Variants in OR4M2B observed in about 807,000 individuals in gnomAD.
The protein encoded by OR4M2B is olfactory receptor 4M2B.
OR4M2B carries 3 observed loss-of-function variants against 14.3 expected under a neutral mutation model. The observed-to-expected ratio is 0.21, with a 90% CI of 0.10 to 0.54. OR4M2B has a LOEUF of 0.54. Among genes scored for constraint, OR4M2B ranks in the 20% least tolerant of loss-of-function variants. OR4M2B has a pLI of 0.94. For synonymous variants in OR4M2B, 21 were observed against 122.0 expected, an observed-to-expected ratio of 0.17 and a Z score of 5.45; for missense variants, 50 against 329.5, an observed-to-expected ratio of 0.15 and a Z score of 6.57.
exon 1 of OR4M2B, chr15:21,638,416 A>G (rs1888712361): frequency 6.5e-6 from 9 of 1,384,048 alleles, no homozygotes; most frequent in Middle Eastern, 1.8e-4. Context: ...ACCATCATGA[A>G]TCAACGTCTC....
exon 1 of OR4M2B, chr15:21,638,319 C>A: frequency 6.4e-7 from 1 of 1,552,412 alleles, no homozygotes; most frequent in Non-Finnish European, 8.7e-7. Context: ...CTTCTTCTTA[C>A]ACTTTGCTGG....
chr15:21,638,936 TAA>T lies in OR4M2B; in HGVS notation c.932_933del (p.Lys311ArgfsTer11). On this transcript the variant is annotated frameshift_variant, in exon 1 of 1. Coordinates refer to ENST00000332663, the Ensembl canonical transcript of OR4M2B. LOFTEE classifies it high-confidence loss of function. ...AGTTGGTCACCAAATATATTTTGTG[TAA>T]AGAGAAGTGAAAGATAAATTATACA... The T allele has an allele frequency of 2.1e-6, 2 of 936,036 alleles. 1 individual carries two copies. Among genetic ancestry groups the T allele is most frequent in the Non-Finnish European group, 3.0e-6 (2 of 665,530 alleles). 58.0% of individuals were successfully genotyped at this position (936,036 alleles called of 1,614,324 possible).
exon 1 of OR4M2B, chr15:21,638,288 T>G (rs1888708967): frequency 6.4e-7 from 1 of 1,555,110 alleles, no homozygotes. Flanking sequence ...TAATTTCTTT[T>G]GATGAATGCA....
At chr15:21,638,207 C>T in exon 1 of OR4M2B, 1 of 1,092,812 alleles carries the variant, frequency 9.2e-7, no homozygotes, top group Admixed American at 1.9e-5. Flanking sequence ...CTAATCTGGC[C>T]TTCCTTGATA....
chr15:21,638,026 C>T, exon 1 of OR4M2B: 2 of 506,712 alleles, frequency 3.9e-6, no homozygotes, highest in Non-Finnish European at 6.3e-6. Flanking sequence ...GCAAATTACA[C>T]CAAGGTGACA....
chr15:21,638,374 A>T, exon 1 of OR4M2B: 1 of 1,523,914 alleles, frequency 6.6e-7, no homozygotes, highest in South Asian at 1.1e-5. Context: ...TTTGACCTCT[A>T]CACTGCTATC....
exon 1 of OR4M2B, chr15:21,638,346 T>C: frequency 6.5e-7 from 1 of 1,546,602 alleles, no homozygotes; most frequent in Admixed American, 1.7e-5. Context: ...AGAGATGTTC[T>C]TGCTCACAGT....
chr15:21,637,977 G>C, exon 1 of OR4M2B: 1 of 417,688 alleles, frequency 2.4e-6, no homozygotes, highest in South Asian at 3.0e-5. Context: ...AATTTTCATA[G>C]CTATATTATG....
exon 1 of OR4M2B, chr15:21,638,250 C>G (rs1888707781): frequency 6.7e-7 from 1 of 1,498,728 alleles, no homozygotes; most frequent in Non-Finnish European, 9.1e-7. Flanking sequence ...CCCTGAAATG[C>G]TCATAGACTT....
chr15:21,638,061 C>T lies in OR4M2B; in HGVS notation c.55C>T (p.Gln19Ter). ...AGAATTTGTTCTCACTGGCCTATCC[C>T]AGACTCCAGAGGTCCAACTAGTCCT... The change falls in exon 1 of 1, where the codon CAG becomes TAG. Residue 19 changes from glutamine to a stop codon, truncating the protein, a stop_gained. Transcript: ENST00000332663. LOFTEE classifies it high-confidence loss of function. The T allele has an allele frequency of 1.6e-6, 1 of 627,488 alleles. No homozygotes were observed. The highest frequency in any genetic ancestry group is 2.5e-6 in the Non-Finnish European group (1 of 400,938). The allele number at this position is 627,488 out of a possible 1,614,324, so 38.9% of individuals were successfully genotyped here. A position where few individuals can be genotyped will look rare whatever the true frequency, so the allele number is the denominator to read the frequency against.
At chr15:21,638,293 A>T (rs1421702731) in exon 1 of OR4M2B, 1 of 1,556,000 alleles carries the variant, frequency 6.4e-7, no homozygotes, top group African/African-American at 1.7e-5. Flanking sequence ...TCTTTTGATG[A>T]ATGCATTGCA....
At chr15:21,638,423 T>A in exon 1 of OR4M2B, 1 of 1,378,450 alleles carries the variant, frequency 7.3e-7, no homozygotes, top group South Asian at 1.2e-5. Flanking sequence ...TGAATCAACG[T>A]CTCTGCTGTA....
Position 21,638,275 on chromosome 15 carries a change from A to G in OR4M2B, c.269A>G (p.Lys90Arg), listed in dbSNP as rs1377763331. The G allele has an allele frequency of 1.4e-5, 21 of 1,547,594 alleles. 3 individuals carry two copies. Among genetic ancestry groups the G allele is most frequent in the Non-Finnish European group, 1.8e-5 (21 of 1,143,274 alleles). Reference sequence around the variant, plus strand: ...CTCATAGACTTCTTTGTGGAGAGGAAGATAATTTCTTTTGATGAATGCATT... The same window carrying G: ...CTCATAGACTTCTTTGTGGAGAGGAGGATAATTTCTTTTGATGAATGCATT... Residue 90 changes from lysine (K) to arginine (R), a missense_variant, in exon 1 of 1, where the codon AAG (lysine) becomes AGG (arginine). Coordinates refer to ENST00000332663, the Ensembl canonical transcript of OR4M2B.
chr15:21,638,795 AT>A lies in OR4M2B; in HGVS notation c.792del (p.Phe264LeufsTer6). The A allele has an allele frequency of 7.8e-7, 1 of 1,280,978 alleles. No homozygotes were observed. The highest frequency in any genetic ancestry group is 1.1e-6 in the Non-Finnish European group (1 of 932,098). 79.4% of individuals were successfully genotyped at this position (1,280,978 alleles called of 1,614,324 possible). A position where few individuals can be genotyped will look rare whatever the true frequency, so the allele number is the denominator to read the frequency against. Reference sequence around the variant, plus strand: ...CATCCATCTACATTTATGCTCGCCCATTTGACTCGTTTTCCCTAGATAAAGT... The same window carrying A: ...CATCCATCTACATTTATGCTCGCCCATTGACTCGTTTTCCCTAGATAAAGT... On this transcript the variant is annotated frameshift_variant, in exon 1 of 1. Transcript: ENST00000332663. LOFTEE classifies it high-confidence loss of function.
Position 21,638,768 on chromosome 15 carries a change from GC to G in OR4M2B, c.764del (p.Pro255HisfsTer15), listed in dbSNP as rs1398080650. 2.0e-4 allele frequency: 232 copies of G among 1,179,642 alleles called. 16 individuals carry two copies. The African/African-American group carries it at 5.4e-3, about 27-fold the overall frequency. The allele number at this position is 1,179,642 out of a possible 1,614,324, so 73.1% of individuals were successfully genotyped here. Reference sequence around the variant, plus strand: ...TTACCATTGTGGTGCTAATGTTTGGGCCATCCATCTACATTTATGCTCGCCC... The same window carrying G: ...TTACCATTGTGGTGCTAATGTTTGGGCATCCATCTACATTTATGCTCGCCC... On this transcript the variant is annotated frameshift_variant, in exon 1 of 1. Coordinates refer to ENST00000332663, the Ensembl canonical transcript of OR4M2B. LOFTEE classifies it high-confidence loss of function.
At chr15:21,638,306 G>A (rs1888709672) in exon 1 of OR4M2B, 2 of 1,556,408 alleles carry the variant, frequency 1.3e-6, no homozygotes. Flanking sequence ...GCATTGCACA[G>A]CTCTTCTTCT....
At chr15:21,638,294 A>C in exon 1 of OR4M2B, 1 of 1,556,264 alleles carries the variant, frequency 6.4e-7, no homozygotes, top group South Asian at 1.1e-5. Flanking sequence ...CTTTTGATGA[A>C]TGCATTGCAC....
chr15:21,638,315 C>T, exon 1 of OR4M2B: 1 of 1,554,180 alleles, frequency 6.4e-7, no homozygotes, highest in Non-Finnish European at 8.7e-7. Flanking sequence ...AGCTCTTCTT[C>T]TTACACTTTG....
At chr15:21,638,352 A>T in exon 1 of OR4M2B, 1 of 1,544,332 alleles carries the variant, frequency 6.5e-7, no homozygotes, top group Admixed American at 1.7e-5. Flanking sequence ...GTTCTTGCTC[A>T]CAGTGATGGC....
Sources: allele counts gnomAD v4.1 joint callset, GRCh38; gene constraint gnomAD v4.1.1; transcripts MANE v1.5; gene names NCBI Gene and HGNC (gene_info 2026-07-23, HGNC 2026-07-21).